Variants in PRKD1 observed in about 807,000 individuals in gnomAD.
PRKD1 encodes the protein serine/threonine-protein kinase D1.
A neutral mutation model predicts 95.9 loss-of-function variants in PRKD1; 63 were observed. That is an observed-to-expected ratio of 0.66 (90% CI 0.54 to 0.81). The LOEUF (loss-of-function observed/expected upper bound fraction) is 0.81, where lower values mean the gene tolerates loss of function less well. Among genes scored for constraint, PRKD1 ranks in the 30% least tolerant of loss-of-function variants. The pLI is 0.00. For missense variants in PRKD1, 1,048 were observed against 1,165.3 expected (o/e 0.90, Z 1.47); for synonymous variants, 425 against 423.1 (o/e 1.00, Z -0.05).
At chr14:29,606,654 G>C (rs1376884932) in intron 13 of PRKD1, among the ~76,000 whole-genome samples, 1 of 152,112 alleles carries the variant, frequency 6.6e-6, no homozygotes, top group Non-Finnish European at 1.5e-5. Context: ...GCACAGTCAG[G>C]ATATTCCCTT....
chr14:29,811,291 G>A (rs141757946), intron 1 of PRKD1, among the ~76,000 whole-genome samples: 278 of 152,168 alleles, frequency 1.8e-3, no homozygotes, highest in African/African-American at 6.4e-3. Context: ...CCCCACATGC[G>A]CACCCACAGC....
intron 1 of PRKD1, among the ~76,000 whole-genome samples, chr14:29,831,122 C>T (rs1301511683): frequency 6.6e-6 from 1 of 152,308 alleles, no homozygotes; most frequent in Admixed American, 6.5e-5. Flanking sequence ...TGATATGATA[C>T]TTGCCAGGCA....
chr14:29,684,873 C>T (rs1883765176), intron 2 of PRKD1, among the ~76,000 whole-genome samples: 1 of 152,208 alleles, frequency 6.6e-6, no homozygotes, highest in African/African-American at 2.4e-5. Context: ...AGTGGACTAA[C>T]AGTTTAAGCT....
At chr14:29,683,728 T>C (rs1000540182) in intron 2 of PRKD1, among the ~76,000 whole-genome samples, 1 of 152,238 alleles carries the variant, frequency 6.6e-6, no homozygotes, top group Non-Finnish European at 1.5e-5. Context: ...AACATTATTA[T>C]GCATATCGCA....
chr14:29,623,392 G>GA (rs1191315378), intron 13 of PRKD1, among the ~76,000 whole-genome samples: 3 of 151,644 alleles, frequency 2.0e-5, no homozygotes, highest in South Asian at 2.1e-4. Context: ...TCCGTTTTGC[G>GA]AAAAAAAATT....
intron 2 of PRKD1, among the ~76,000 whole-genome samples, chr14:29,720,704 C>T (rs1376338494): frequency 2.0e-5 from 3 of 151,588 alleles, no homozygotes; most frequent in South Asian, 2.1e-4. Context: ...TGCTTAAACC[C>T]GGGAGGTGGA....
intron 1 of PRKD1, among the ~76,000 whole-genome samples, chr14:29,870,057 C>T (rs1245451975): frequency 6.6e-6 from 1 of 152,084 alleles, no homozygotes; most frequent in African/African-American, 2.4e-5. Context: ...ATTATTATTA[C>T]CGAGGTGGGG....
chr14:29,867,725 A>G (rs1347977577), intron 1 of PRKD1, among the ~76,000 whole-genome samples: 1 of 152,248 alleles, frequency 6.6e-6, no homozygotes, highest in African/African-American at 2.4e-5. Context: ...GCCAGGGGGT[A>G]TCTGCAGGAA....
At chr14:29,663,148 C>CATATATATATAAATATATATATAT in intron 4 of PRKD1, among the ~76,000 whole-genome samples, 1 of 131,636 alleles carries the variant, frequency 7.6e-6, no homozygotes, top group South Asian at 2.5e-4. Flanking sequence ...AATATTCTTC[C>CATATATATATAAATATATATATAT]ATATATATAT....
chr14:29,876,973 G>A (rs1397368739), intron 1 of PRKD1, among the ~76,000 whole-genome samples: 1 of 152,096 alleles, frequency 6.6e-6, no homozygotes, highest in Non-Finnish European at 1.5e-5. Context: ...CCAACATGGT[G>A]AAACCCCGTG....
At chr14:29,844,957 A>G (rs972137280) in intron 1 of PRKD1, among the ~76,000 whole-genome samples, 2 of 152,182 alleles carry the variant, frequency 1.3e-5, no homozygotes, top group African/African-American at 4.8e-5. Flanking sequence ...ACCATATAAC[A>G]TTTCTGGCTA....
intron 1 of PRKD1, among the ~76,000 whole-genome samples, chr14:29,912,864 C>T (rs1201549986): frequency 1.3e-5 from 2 of 152,178 alleles, no homozygotes; most frequent in Non-Finnish European, 1.5e-5. Context: ...CTTTACGCTA[C>T]AGCTTCAAAG....
At chr14:29,871,731 G>C (rs1893116083) in intron 1 of PRKD1, among the ~76,000 whole-genome samples, 1 of 152,168 alleles carries the variant, frequency 6.6e-6, no homozygotes, top group Non-Finnish European at 1.5e-5. Context: ...GTATGAGTAT[G>C]ATGGTAAGTG....
chr14:29,873,131 G>A, intron 1 of PRKD1, among the ~76,000 whole-genome samples: 1 of 152,030 alleles, frequency 6.6e-6, no homozygotes. Context: ...TATCACCCAG[G>A]CTGGAGTATA....
intron 1 of PRKD1, among the ~76,000 whole-genome samples, chr14:29,772,009 A>T (rs1043185745): frequency 6.6e-6 from 1 of 152,224 alleles, no homozygotes; most frequent in African/African-American, 2.4e-5. Context: ...CAGGCTCACA[A>T]CTGGAGAGAA....
At position 29,867,358 on chromosome 14, in the gene PRKD1, AG is replaced by A. The variant is rs755860244; in HGVS notation, c.264+59890del. Among the ~76,000 whole-genome samples, 68 of 152,358 alleles carry A rather than the reference AG, an allele frequency of 4.5e-4. 2 individuals are homozygous for A. The highest frequency in any genetic ancestry group is 6.2e-4 in the South Asian group (3 of 4,834). ...ATGTCACAAGATAAGACATGAAGAAAGGGAAGAAACTTTGAAAAGAACAGGG... is the reference window on the plus strand; with the variant it reads ...ATGTCACAAGATAAGACATGAAGAAAGGAAGAAACTTTGAAAAGAACAGGG... On this transcript the variant is annotated intron_variant, in intron 1 of 17. Transcript: ENST00000331968.
At chr14:29,580,798 A>G (rs1229488032) in intron 16 of PRKD1, among the ~76,000 whole-genome samples, 1 of 152,144 alleles carries the variant, frequency 6.6e-6, no homozygotes, top group Non-Finnish European at 1.5e-5. Context: ...TTCATGTAAT[A>G]AAATAGTCTC....
intron 4 of PRKD1, among the ~76,000 whole-genome samples, chr14:29,660,599 T>C (rs1221189174): frequency 6.6e-6 from 1 of 152,176 alleles, no homozygotes; most frequent in African/African-American, 2.4e-5. Context: ...CCTTTACACC[T>C]AGGAACAGAC....
chr14:29,750,532 C>T (rs1248003109), intron 1 of PRKD1, among the ~76,000 whole-genome samples: 1 of 151,946 alleles, frequency 6.6e-6, no homozygotes, highest in Non-Finnish European at 1.5e-5. Flanking sequence ...CACGAATGGC[C>T]AGAGCCTATT....
Sources: gnomAD v4.1 joint callset for allele counts (sites outside exome capture counted in the v4.1 genomes callset) on GRCh38, gnomAD v4.1.1 for gene constraint, MANE v1.5 for transcripts, NCBI Gene and HGNC (gene_info 2026-07-23, HGNC 2026-07-21) for gene names.